RORB: variants seen among roughly 807,000 people sequenced by gnomAD.
RORB encodes nuclear receptor ROR-beta.
Under a neutral mutation model 59.1 loss-of-function variants are expected in RORB, and 6 were observed. The observed-to-expected ratio is 0.10, with a 90% CI of 0.06 to 0.20. RORB has a LOEUF of 0.20. Among genes scored for constraint, RORB ranks in the 10% least tolerant of loss-of-function variants. The pLI is 1.00. For missense variants in RORB, 320 were observed against 560.5 expected (o/e 0.57, Z 4.33); for synonymous variants, 215 against 204.5 (o/e 1.05, Z -0.44).
At chr9:74,532,782 GTA>G (rs1041182285) in intron 1 of RORB, among the ~76,000 whole-genome samples, 18 of 142,786 alleles carry the variant, frequency 1.3e-4, no homozygotes, top group African/African-American at 3.5e-4. Flanking sequence ...GTGTATGTGT[GTA>G]TATATATATA....
At chr9:74,640,948 T>C (rs1587400873) in intron 3 of RORB, among the ~76,000 whole-genome samples, 1 of 152,062 alleles carries the variant, frequency 6.6e-6, no homozygotes, top group Non-Finnish European at 1.5e-5. Context: ...TGCTAGAGAG[T>C]TCTTAAGCAC....
chr9:74,673,102 C>A (rs1431800448), intron 9 of RORB, among the ~76,000 whole-genome samples: 1 of 152,166 alleles, frequency 6.6e-6, no homozygotes, highest in Non-Finnish European at 1.5e-5. Context: ...CGTAACTTTT[C>A]ATTTATTAGG....
intron 1 of RORB, among the ~76,000 whole-genome samples, chr9:74,620,970 A>G (rs1395619234): frequency 6.6e-6 from 1 of 152,186 alleles, no homozygotes; most frequent in Non-Finnish European, 1.5e-5. Context: ...TTGAAAAATT[A>G]ATAAACATTT....
intron 1 of RORB, among the ~76,000 whole-genome samples, chr9:74,530,904 T>G (rs1303165701): frequency 6.6e-6 from 1 of 151,896 alleles, no homozygotes; most frequent in Non-Finnish European, 1.5e-5. Flanking sequence ...CCCCGGTGTG[T>G]GATGCTCCTC....
At chr9:74,513,986 C>T (rs1563925492) in intron 1 of RORB, among the ~76,000 whole-genome samples, 1 of 151,928 alleles carries the variant, frequency 6.6e-6, no homozygotes, top group African/African-American at 2.4e-5. Context: ...TTTTCAGGTC[C>T]GTATTAACAT....
intron 1 of RORB, among the ~76,000 whole-genome samples, chr9:74,609,798 A>T (rs939527165): frequency 1.4e-4 from 22 of 152,152 alleles, no homozygotes; most frequent in African/African-American, 5.1e-4. Context: ...AAACTCTAGA[A>T]CAGTGGTTGT....
intron 9 of RORB, among the ~76,000 whole-genome samples, chr9:74,672,525 G>A (rs976944119): frequency 1.3e-5 from 2 of 152,074 alleles, no homozygotes; most frequent in African/African-American, 4.8e-5. Context: ...TTTCAAAATG[G>A]GGAAGTTTCC....
intron 1 of RORB, among the ~76,000 whole-genome samples, chr9:74,528,592 G>A (rs1308494695): frequency 6.6e-6 from 1 of 151,956 alleles, no homozygotes; most frequent in Non-Finnish European, 1.5e-5. Context: ...CTCTAACTGT[G>A]AGCCTAATTG....
chr9:74,653,722 A>G (rs1049545621), intron 4 of RORB, among the ~76,000 whole-genome samples: 11 of 152,152 alleles, frequency 7.2e-5, no homozygotes, highest in Non-Finnish European at 4.4e-5. Context: ...CCCCACTCCC[A>G]GGATGTGGCA....
At chr9:74,681,847 A>G (rs1824552679) in intron 9 of RORB, among the ~76,000 whole-genome samples, 1 of 152,238 alleles carries the variant, frequency 6.6e-6, no homozygotes, top group Non-Finnish European at 1.5e-5. Flanking sequence ...TGTGAGTCAC[A>G]GTTAGTAAAA....
chr9:74,577,724 T>G (rs933318483), intron 1 of RORB, among the ~76,000 whole-genome samples: 1 of 152,050 alleles, frequency 6.6e-6, no homozygotes, highest in African/African-American at 2.4e-5. Context: ...GCCTCACTGA[T>G]CCTCAGATTC....
At chr9:74,588,315 T>A (rs1292361817) in intron 1 of RORB, among the ~76,000 whole-genome samples, 1 of 152,156 alleles carries the variant, frequency 6.6e-6, no homozygotes, top group African/African-American at 2.4e-5. Context: ...CTATAAGACA[T>A]CTGGAATATG....
At chr9:74,601,755 T>C (rs1176783671) in intron 1 of RORB, among the ~76,000 whole-genome samples, 1 of 151,798 alleles carries the variant, frequency 6.6e-6, no homozygotes, top group African/African-American at 2.4e-5. Flanking sequence ...AAATAAGGAG[T>C]TGTAGTCATG....
chr9:74,502,103 T>C (rs964063902), intron 1 of RORB, among the ~76,000 whole-genome samples: 28 of 152,140 alleles, frequency 1.8e-4, no homozygotes, highest in African/African-American at 6.8e-4. Flanking sequence ...CATTTACTTA[T>C]TTTGGCAGCA....
At chr9:74,500,356 G>T (rs1825789908) in intron 1 of RORB, among the ~76,000 whole-genome samples, 1 of 152,196 alleles carries the variant, frequency 6.6e-6, no homozygotes, top group African/African-American at 2.4e-5. Context: ...GTAAGAATGG[G>T]ATTGAGAAAA....
At chr9:74,499,487 AG>A (rs1358827660) in intron 1 of RORB, among the ~76,000 whole-genome samples, 2 of 151,874 alleles carry the variant, frequency 1.3e-5, no homozygotes, top group Non-Finnish European at 2.9e-5. Context: ...TCCATGGGGG[AG>A]GGGGTTGACT....
intron 9 of RORB, among the ~76,000 whole-genome samples, chr9:74,674,069 C>T (rs1462018596): frequency 1.3e-5 from 2 of 152,152 alleles, no homozygotes; most frequent in Non-Finnish European, 2.9e-5. Context: ...ATGGACTGAG[C>T]CCCGTTAGCT....
At chr9:74,612,113 G>A (rs1218057180) in intron 1 of RORB, among the ~76,000 whole-genome samples, 1 of 152,188 alleles carries the variant, frequency 6.6e-6, no homozygotes, top group Non-Finnish European at 1.5e-5. Context: ...GGATCCCAGG[G>A]TAAGCAGAAA....
chr9:74,584,070 C>A (rs1276996178), intron 1 of RORB, among the ~76,000 whole-genome samples: 1 of 152,190 alleles, frequency 6.6e-6, no homozygotes, highest in Non-Finnish European at 1.5e-5. Context: ...GCCATAAACA[C>A]TTTCTCTAAC....
Sources: allele counts gnomAD v4.1 joint callset (sites outside exome capture counted in the v4.1 genomes callset), GRCh38; gene constraint gnomAD v4.1.1; transcripts MANE v1.5; gene names NCBI Gene and HGNC (gene_info 2026-07-23, HGNC 2026-07-21).